The following SLC16A4 variants were observed in gnomAD, a reference collection of about 807,000 sequenced individuals.
The protein encoded by SLC16A4 is probable monocarboxylate transporter 5.
Under a neutral mutation model 47.9 loss-of-function variants are expected in SLC16A4, and 39 were observed. The observed-to-expected ratio is 0.81, with a 90% CI of 0.63 to 1.06. The LOEUF is 1.06. SLC16A4 is among the 50% of genes least tolerant of loss of function. The probability of loss-of-function intolerance (pLI) is 0.00; values close to 1 mark genes in which losing one functional copy is unlikely to be tolerated. For synonymous variants in SLC16A4, 189 were observed against 199.9 expected (o/e 0.95, Z 0.46); for missense variants, 524 against 573.8 (o/e 0.91, Z 0.89).
intron 8 of SLC16A4, chr1:110,370,441 T>A (rs1661625164): frequency 6.6e-6 from 1 of 152,154 alleles, no homozygotes; most frequent in Non-Finnish European, 1.5e-5. Flanking sequence ...GAGGACCAGA[T>A]GGAATTTTTG....
chr1:110,367,953 C>T (rs922478898), intron 8 of SLC16A4, among the ~76,000 whole-genome samples: 2 of 152,118 alleles, frequency 1.3e-5, no homozygotes, highest in African/African-American at 4.8e-5. Flanking sequence ...CTCAGCCTCC[C>T]GAGTAGCTGG....
intron 5 of SLC16A4, among the ~76,000 whole-genome samples, chr1:110,380,058 C>CAAAAAAAAAAAAAAAAAAA (rs542273389): frequency 2.0e-4 from 19 of 96,236 alleles, no homozygotes; most frequent in African/African-American, 6.6e-4. Flanking sequence ...GAGCCTGTCT[C>CAAAAAAAAAAAAAAAAAAA]AAAAAAAAAA....
chr1:110,364,080 C>T (rs1661232053), intron 8 of SLC16A4, among the ~76,000 whole-genome samples, 187 bp from the exon 9 acceptor site: 1 of 152,156 alleles, frequency 6.6e-6, no homozygotes, highest in Non-Finnish European at 1.5e-5. Flanking sequence ...GGACTTACAC[C>T]ATCTCCAATC....
At chr1:110,367,278 G>A (rs1043068712) in intron 8 of SLC16A4, among the ~76,000 whole-genome samples, 2 of 152,214 alleles carry the variant, frequency 1.3e-5, no homozygotes, top group African/African-American at 4.8e-5. Context: ...CAGATCACTT[G>A]AGCCCAAGAG....
intron 5 of SLC16A4, 71 bp from the exon 6 acceptor site, chr1:110,379,427 C>T: frequency 7.1e-7 from 1 of 1,403,948 alleles, no homozygotes; most frequent in Non-Finnish European, 9.7e-7. Flanking sequence ...TTCATAGGCT[C>T]AGAAGAGGCC....
Position 110,363,678 on chromosome 1 carries a change from G to GA in SLC16A4, c.*87dup. ...CTTCTCATGTTACAAATGTAGATGC[G>GA]ATGTGTTTCTTTCAAGCTTTTGTTT... On this transcript the variant is annotated 3_prime_UTR_variant, in exon 9 of 9. Coordinates refer to ENST00000369779, the MANE Select transcript of SLC16A4 (RefSeq NM_004696.3). 1 of 1,221,352 alleles carries GA rather than the reference G, an allele frequency of 8.2e-7. No individual in the cohort carries two copies. Among genetic ancestry groups the GA allele is most frequent in the Non-Finnish European group, 1.1e-6 (1 of 896,632 alleles). The allele number at this position is 1,221,352 out of a possible 1,614,324, so 75.7% of individuals were successfully genotyped here.
rs1355370674 is a variant in SLC16A4, at chr1:110,379,123, CTG to C, written c.758_759del (p.Thr253SerfsTer7). The C allele has an allele frequency of 1.2e-6, 2 of 1,614,110 alleles. No individual in the cohort carries two copies. Among genetic ancestry groups the C allele is most frequent in the Non-Finnish European group, 1.7e-6 (2 of 1,180,048 alleles). On this transcript the variant is annotated frameshift_variant, in exon 6 of 9. Transcript: ENST00000369779. LOFTEE classifies it high-confidence loss of function. The part of the protein sequence containing the change: ...QKAGLPSKNL[T>X]VSQNQSEEFY... The stretch of plus-strand genomic sequence containing the variant: ...AACTCTTCACTTTGATTTTGTGAGA[CTG>C]TTAAATTTTTGCTAGGTAGTCCAGC...
At chr1:110,373,409 G>T (rs986266172) in intron 8 of SLC16A4, among the ~76,000 whole-genome samples, 1 of 152,050 alleles carries the variant, frequency 6.6e-6, no homozygotes, top group Admixed American at 6.6e-5. Context: ...ACTGTCCTGG[G>T]TACTAGCCAT....
At chr1:110,382,259 G>A (rs1570650732) in intron 3 of SLC16A4, among the ~76,000 whole-genome samples, 1 of 152,176 alleles carries the variant, frequency 6.6e-6, no homozygotes, top group East Asian at 1.9e-4. Context: ...TGGAGTTTGA[G>A]ACCAGCCTGG....
At chr1:110,382,775 T>C in intron 3 of SLC16A4, 59 bp downstream of exon 3, 3 of 1,441,404 alleles carry the variant, frequency 2.1e-6, no homozygotes, top group Non-Finnish European at 2.8e-6. Context: ...AATAGGAATC[T>C]TGGAATTGCC....
chr1:110,380,057 T>TAAAAAA (rs1662277052), intron 5 of SLC16A4, among the ~76,000 whole-genome samples: 1 of 32,748 alleles, frequency 3.1e-5, no homozygotes, highest in Non-Finnish European at 6.7e-5. Context: ...AGAGCCTGTC[T>TAAAAAA]CAAAAAAAAA....
rs756378695 is a variant in SLC16A4, at chr1:110,379,024, A to G, written c.859T>C (p.Cys287Arg). The stretch of plus-strand genomic sequence containing the variant: ...AGAGAAATGTCAAACAGTTGTTTGC[A>G]GCTCCACGAAATAACCTTATCACTT... ...EESDKVISWSCKQLFDISLFR... is the reference protein window; with the variant it reads ...EESDKVISWSRKQLFDISLFR... Residue 287 changes from cysteine (C) to arginine (R), a missense_variant, in exon 6 of 9, where the codon TGC (cysteine) becomes CGC (arginine). Coordinates refer to ENST00000369779, the MANE Select transcript of SLC16A4 (RefSeq NM_004696.3). 4 of 1,614,130 alleles carry G rather than the reference A, an allele frequency of 2.5e-6. No individual in the cohort carries two copies. The East Asian group carries it at 8.9e-5, about 36-fold the overall frequency.
chr1:110,381,837 T>C, intron 3 of SLC16A4, 42 bp from the exon 4 acceptor site: 1 of 1,574,912 alleles, frequency 6.3e-7, no homozygotes, highest in Middle Eastern at 1.7e-4. Context: ...TAAATAATGA[T>C]CTGGCATCCC....
intron 8 of SLC16A4, chr1:110,375,164 T>C (rs974256688): frequency 3.7e-6 from 1 of 267,750 alleles, no homozygotes; most frequent in African/African-American, 2.2e-5. Flanking sequence ...TCATGGGTCT[T>C]TGAGGCTCTG....
At chr1:110,390,658 A>G (rs560131148) in intron 1 of SLC16A4, among the ~76,000 whole-genome samples, 1 of 152,370 alleles carries the variant, frequency 6.6e-6, no homozygotes, top group East Asian at 1.9e-4. Flanking sequence ...AAAGAATGAT[A>G]GCAAAAAGAA....
rs1570642065 is a variant in SLC16A4 at position 110,377,249 on chromosome 1, C to T, written c.1031-88G>A. 14 of 1,067,620 alleles carry T rather than the reference C, an allele frequency of 1.3e-5. No individual in the cohort carries two copies. The South Asian group carries it at 2.1e-4, about 16-fold the overall frequency. The allele number at this position is 1,067,620 out of a possible 1,614,324, so 66.1% of individuals were successfully genotyped here. On this transcript the variant is annotated intron_variant, in intron 6 of 8. Transcript: ENST00000369779. The stretch of plus-strand genomic sequence containing the variant: ...CATCATTTCCCAAGTAATATGATCT[C>T]ATCCTGAGGCCAGGATATGTGAGGA...
intron 1 of SLC16A4, 64 bp from the exon 2 acceptor site, chr1:110,389,419 T>A: frequency 1.0e-6 from 1 of 996,004 alleles, no homozygotes; most frequent in South Asian, 1.3e-5. Context: ...TTAAACTTTT[T>A]ATCTGAAAGG....
intron 8 of SLC16A4, among the ~76,000 whole-genome samples, chr1:110,364,517 T>C (rs1165634737): frequency 6.7e-6 from 1 of 149,714 alleles, no homozygotes. Context: ...TTTTTTTTTT[T>C]TTTGAGACAG....
intron 2 of SLC16A4, among the ~76,000 whole-genome samples, chr1:110,386,328 C>T (rs1326641126): frequency 6.6e-6 from 1 of 152,200 alleles, no homozygotes; most frequent in Non-Finnish European, 1.5e-5. Context: ...AAAAATCTCT[C>T]CCAAGGTCTA....
Sources: allele counts gnomAD v4.1 joint callset (sites outside exome capture counted in the v4.1 genomes callset), GRCh38; gene constraint gnomAD v4.1.1; transcripts MANE v1.5; gene names NCBI Gene and HGNC (gene_info 2026-07-23, HGNC 2026-07-21).